The following TACR3 variants were observed in gnomAD, a reference collection of about 807,000 sequenced individuals.
TACR3 encodes the protein tachykinin receptor 3.
A neutral mutation model predicts 35.0 loss-of-function variants in TACR3; 34 were observed. The observed-to-expected ratio is 0.97, with a 90% CI of 0.74 to 1.30. The LOEUF (loss-of-function observed/expected upper bound fraction) is 1.30, where lower values mean the gene tolerates loss of function less well. Among genes scored for constraint, TACR3 ranks in the 50% most tolerant of loss-of-function variants. The pLI is 0.00. For missense variants in TACR3, 558 were observed against 591.7 expected (o/e 0.94, Z 0.59); for synonymous variants, 233 against 221.1 (o/e 1.05, Z -0.48).
chr4:103,662,043 C>T (rs1423172941), intron 1 of TACR3, among the ~76,000 whole-genome samples: 1 of 151,998 alleles, frequency 6.6e-6, no homozygotes, highest in African/African-American at 2.4e-5. Flanking sequence ...AAGGTAAGGC[C>T]AAGTGTATAC....
At chr4:103,710,255 AAGTAAAGCACTCCTC>A (rs1722911979) in intron 1 of TACR3, among the ~76,000 whole-genome samples, 1 of 152,186 alleles carries the variant, frequency 6.6e-6, no homozygotes, top group African/African-American at 2.4e-5. Flanking sequence ...ACACCGTTGG[AAGTAAAGCACTCCTC>A]AGCAAATATA....
Position 103,586,743 on chromosome 4 carries a change from T to C in TACR3, c.*2939A>G, listed in dbSNP as rs1723779124. ...TAGAAGATGGAATAATGCAACAGTG[T>C]GCTGTACTTGGTAAAAAATAAAAAA... On this transcript the variant is annotated 3_prime_UTR_variant, in exon 5 of 5. Coordinates refer to ENST00000304883, the MANE Select transcript of TACR3 (RefSeq NM_001059.3). 1 of 151,510 alleles carries C rather than the reference T, an allele frequency of 6.6e-6. No individual in the cohort carries two copies. The highest frequency in any genetic ancestry group is 2.4e-5 in the African/African-American group (1 of 40,924). 9.4% of individuals were successfully genotyped at this position (151,510 alleles called of 1,614,324 possible).
intron 1 of TACR3, among the ~76,000 whole-genome samples, chr4:103,693,136 AT>A (rs1473342682): frequency 6.6e-6 from 1 of 152,158 alleles, no homozygotes; most frequent in East Asian, 1.9e-4. Flanking sequence ...ATATATATGC[AT>A]ACATTATATC....
chr4:103,645,671 C>T (rs541352595), intron 3 of TACR3, among the ~76,000 whole-genome samples: 1 of 152,020 alleles, frequency 6.6e-6, no homozygotes, highest in East Asian at 1.9e-4. Context: ...ATGAGTTCTG[C>T]ACCCAAGTTG....
At chr4:103,668,624 G>T (rs1287489750) in intron 1 of TACR3, among the ~76,000 whole-genome samples, 1 of 152,062 alleles carries the variant, frequency 6.6e-6, no homozygotes, top group African/African-American at 2.4e-5. Flanking sequence ...GAGGCAGGCA[G>T]ATCACCTGAG....
intron 3 of TACR3, among the ~76,000 whole-genome samples, chr4:103,647,358 A>T (rs915509550): frequency 6.6e-6 from 1 of 151,936 alleles, no homozygotes; most frequent in Non-Finnish European, 1.5e-5. Context: ...GACAAGGATC[A>T]GTTTCCTTTT....
intron 1 of TACR3, among the ~76,000 whole-genome samples, chr4:103,687,682 C>A (rs1184221913): frequency 4.6e-5 from 7 of 152,152 alleles, no homozygotes; most frequent in South Asian, 2.1e-4. Context: ...TAGGAATCCA[C>A]CTTATAAGGG....
At chr4:103,697,905 C>T (rs1465484285) in intron 1 of TACR3, among the ~76,000 whole-genome samples, 1 of 152,180 alleles carries the variant, frequency 6.6e-6, no homozygotes, top group Admixed American at 6.5e-5. Context: ...TCCTGTTTCA[C>T]TCCTCCTCTT....
chr4:103,620,276 A>G (rs1229304375), intron 3 of TACR3, among the ~76,000 whole-genome samples: 1 of 152,210 alleles, frequency 6.6e-6, no homozygotes, highest in African/African-American at 2.4e-5. Context: ...GAGAAAAGGG[A>G]ACACTGTTGG....
rs1324505006 is a variant in TACR3 at position 103,589,241 on chromosome 4, C to T, written c.*441G>A. 1 of 155,152 alleles carries T rather than the reference C, an allele frequency of 6.4e-6. No individual in the cohort carries two copies. The highest frequency in any genetic ancestry group is 1.9e-4 in the South Asian group (1 of 5,170). 9.6% of individuals were successfully genotyped at this position (155,152 alleles called of 1,614,324 possible). On this transcript the variant is annotated 3_prime_UTR_variant, in exon 5 of 5. Transcript: ENST00000304883. The stretch of plus-strand genomic sequence containing the variant: ...TTTAACTTTTTTTCCCATTTTATAT[C>T]TCTAGGCAAAAAAGCCTATTTTATA...
At chr4:103,711,212 T>C (rs1426935674) in intron 1 of TACR3, among the ~76,000 whole-genome samples, 2 of 151,962 alleles carry the variant, frequency 1.3e-5, no homozygotes, top group Non-Finnish European at 2.9e-5. Flanking sequence ...TAGACCAATA[T>C]CCCTGATGAA....
rs1215592649 is a variant in TACR3, at chr4:103,719,332, C to T, written c.344G>A (p.Arg115His). 4 of 1,614,236 alleles carry T rather than the reference C, an allele frequency of 2.5e-6. No homozygotes were observed. The highest frequency in any genetic ancestry group is 3.4e-6 in the Non-Finnish European group (4 of 1,180,052). The change falls in exon 1 of 5, where the codon CGC becomes CAC. Residue 115 changes from arginine (R) to histidine (H), a missense_variant. Coordinates refer to ENST00000304883, the MANE Select transcript of TACR3 (RefSeq NM_001059.3). ...GAAGTAGTTGGTGACAGTCCTCATG[C>T]GCTTGTGGGCCAGGATGATCCAGAT... ...IVIWIILAHK[R>H]MRTVTNYFLV...
At chr4:103,688,954 G>A (rs941074989) in intron 1 of TACR3, among the ~76,000 whole-genome samples, 13 of 152,098 alleles carry the variant, frequency 8.5e-5, no homozygotes, top group African/African-American at 2.9e-4. Flanking sequence ...GCACGCGTAT[G>A]TTTATTGCGG....
chr4:103,656,098 CA>C, intron 3 of TACR3, 95 bp downstream of exon 3: 1 of 1,453,312 alleles, frequency 6.9e-7, no homozygotes, highest in Admixed American at 1.7e-5. Context: ...AGTAGAGCAT[CA>C]GATCATATTG....
At chr4:103,598,440 A>G (rs1485193638) in intron 3 of TACR3, among the ~76,000 whole-genome samples, 6 of 152,210 alleles carry the variant, frequency 3.9e-5, no homozygotes, top group Non-Finnish European at 8.8e-5. Flanking sequence ...TTTGCTGTGC[A>G]GAAGCTCTTT....
chr4:103,646,226 A>C (rs1721307553), intron 3 of TACR3, among the ~76,000 whole-genome samples: 1 of 152,012 alleles, frequency 6.6e-6, no homozygotes, highest in African/African-American at 2.4e-5. Flanking sequence ...ACCAATATTA[A>C]CCGCAACTTG....
chr4:103,705,076 A>G (rs1488489555), intron 1 of TACR3, among the ~76,000 whole-genome samples: 2 of 152,104 alleles, frequency 1.3e-5, no homozygotes, highest in African/African-American at 4.8e-5. Context: ...TTTGAAAACT[A>G]TCTTTAAATA....
intron 1 of TACR3, among the ~76,000 whole-genome samples, chr4:103,670,702 CA>C (rs1394179670): frequency 1.3e-5 from 2 of 151,906 alleles, no homozygotes; most frequent in Non-Finnish European, 2.9e-5. Context: ...TCAGTTTTAA[CA>C]GTTTTTCATT....
intron 1 of TACR3, among the ~76,000 whole-genome samples, chr4:103,708,849 T>C (rs1260756085): frequency 6.6e-6 from 1 of 152,194 alleles, no homozygotes; most frequent in Non-Finnish European, 1.5e-5. Flanking sequence ...ACGAGAACTA[T>C]GTGACAAATG....
Sources: gnomAD v4.1 joint callset for allele counts (sites outside exome capture counted in the v4.1 genomes callset) on GRCh38, gnomAD v4.1.1 for gene constraint, MANE v1.5 for transcripts, NCBI Gene and HGNC (gene_info 2026-07-23, HGNC 2026-07-21) for gene names.